RUNX1: variants seen among roughly 807,000 people sequenced by gnomAD.
RUNX1 encodes the protein RUNX family transcription factor 1.
RUNX1 carries 19 observed loss-of-function variants against 42.8 expected under a neutral mutation model. The observed-to-expected ratio is 0.44, with a 90% CI of 0.31 to 0.65. The LOEUF (loss-of-function observed/expected upper bound fraction) is 0.65. Among genes scored for constraint, RUNX1 ranks in the 30% least tolerant of loss-of-function variants. RUNX1 has a pLI of 0.07. For missense variants in RUNX1, 528 were observed against 672.0 expected (o/e 0.79, Z 2.37); for synonymous variants, 271 against 289.4 (o/e 0.94, Z 0.64).
chr21:35,036,171 C>T (rs1239277592), intron 2 of RUNX1, among the ~76,000 whole-genome samples: 1 of 152,066 alleles, frequency 6.6e-6, no homozygotes, highest in African/African-American at 2.4e-5. Context: ...CACAAGGATG[C>T]CCAGAATATA....
At chr21:35,018,419 T>C (rs534292458) in intron 2 of RUNX1, among the ~76,000 whole-genome samples, 4 of 152,162 alleles carry the variant, frequency 2.6e-5, no homozygotes, top group African/African-American at 7.2e-5. Flanking sequence ...GAACCAACCC[T>C]GCCAACACTT....
chr21:34,857,359 CCT>C (rs1281598791), intron 6 of RUNX1, among the ~76,000 whole-genome samples: 4 of 152,194 alleles, frequency 2.6e-5, no homozygotes, highest in Admixed American at 2.6e-4. Flanking sequence ...TCTTTTTTCC[CCT>C]CTGACTGCCA....
intron 2 of RUNX1, among the ~76,000 whole-genome samples, chr21:34,982,621 G>A (rs2058855793): frequency 6.6e-6 from 1 of 152,146 alleles, no homozygotes; most frequent in Admixed American, 6.5e-5. Flanking sequence ...CCAGGCTGGA[G>A]TGTAGTGGCG....
intron 2 of RUNX1, among the ~76,000 whole-genome samples, chr21:34,971,504 GCCATCCATCCATCCATCCAT>G (rs76561322): frequency 1.3e-5 from 2 of 150,414 alleles, no homozygotes; most frequent in African/African-American, 2.5e-5. Flanking sequence ...ATTTTTATCA[GCCATCCATCCATCCATCCAT>G]CCATCCATCC....
At chr21:34,965,679 C>G (rs2058713607) in intron 2 of RUNX1, among the ~76,000 whole-genome samples, 1 of 149,868 alleles carries the variant, frequency 6.7e-6, no homozygotes, top group South Asian at 2.1e-4. Context: ...GGTGGTCATA[C>G]TCACCAGTTA....
intron 2 of RUNX1, among the ~76,000 whole-genome samples, chr21:34,967,254 A>G (rs2058726045): frequency 8.1e-6 from 1 of 123,642 alleles, no homozygotes; most frequent in South Asian, 2.8e-4. Flanking sequence ...TGGGAGGTGG[A>G]GGTTGCAGTG....
At chr21:34,811,521 T>C (rs2056758456) in intron 7 of RUNX1, among the ~76,000 whole-genome samples, 1 of 152,238 alleles carries the variant, frequency 6.6e-6, no homozygotes, top group Admixed American at 6.5e-5. Flanking sequence ...ACCTGGCCGC[T>C]GCACACAGGT....
chr21:34,915,274 G>A (rs1255047699), intron 2 of RUNX1, among the ~76,000 whole-genome samples: 1 of 152,142 alleles, frequency 6.6e-6, no homozygotes, highest in Non-Finnish European at 1.5e-5. Flanking sequence ...AAAACTTACA[G>A]GAGGAAAATT....
intron 5 of RUNX1, among the ~76,000 whole-genome samples, chr21:34,877,660 C>A (rs2057833515): frequency 6.6e-6 from 1 of 152,184 alleles, no homozygotes; most frequent in African/African-American, 2.4e-5. Context: ...GCCATCAAAG[C>A]CGGACAGGCA....
intron 2 of RUNX1, among the ~76,000 whole-genome samples, chr21:34,990,541 T>C (rs2058928918): frequency 6.6e-6 from 1 of 152,136 alleles, no homozygotes; most frequent in East Asian, 1.9e-4. Flanking sequence ...TTTTGAGAGG[T>C]TGAGCTTCAT....
intron 2 of RUNX1, 93 bp downstream of exon 2, chr21:35,048,749 C>T (rs567481157): frequency 1.3e-5 from 14 of 1,040,008 alleles, no homozygotes; most frequent in African/African-American, 7.8e-5. Flanking sequence ...TGGCAGGCAC[C>T]GAGGCATCTC....
At chr21:34,937,327 A>AG (rs1307434169) in intron 2 of RUNX1, among the ~76,000 whole-genome samples, 1 of 151,512 alleles carries the variant, frequency 6.6e-6, no homozygotes, top group Non-Finnish European at 1.5e-5. Flanking sequence ...AGCCAAAAAA[A>AG]AAAAAAAAAA....
intron 3 of RUNX1, chr21:34,887,584 G>A: frequency 9.0e-7 from 1 of 1,113,218 alleles, no homozygotes; most frequent in Non-Finnish European, 1.1e-6. Context: ...AGTCCCAACA[G>A]AACACAATTA....
chr21:34,908,850 T>C (rs2058247561), intron 2 of RUNX1, among the ~76,000 whole-genome samples: 1 of 152,180 alleles, frequency 6.6e-6, no homozygotes, highest in Non-Finnish European at 1.5e-5. Flanking sequence ...TGATTCAGGA[T>C]ATGTAACAGG....
intron 1 of RUNX1, 53 bp downstream of exon 1, chr21:35,049,115 T>TAA (rs79420744): frequency 1.3e-4 from 55 of 427,576 alleles, no homozygotes; most frequent in African/African-American, 1.5e-4. Flanking sequence ...TGTTAAAGAT[T>TAA]AAAAAAAAAA....
At chr21:34,793,495 A>C (rs2056479878) in intron 8 of RUNX1, among the ~76,000 whole-genome samples, 1 of 152,044 alleles carries the variant, frequency 6.6e-6, no homozygotes, top group Non-Finnish European at 1.5e-5. Context: ...AATGCATTTT[A>C]CATTTTTTAA....
At chr21:34,793,965 A>C (rs2056489051) in intron 8 of RUNX1, among the ~76,000 whole-genome samples, 1 of 152,122 alleles carries the variant, frequency 6.6e-6, no homozygotes, top group Non-Finnish European at 1.5e-5. Context: ...CAGCCTCCCA[A>C]AGTGCTGGGA....
Position 34,886,998 on chromosome 21 carries a change from C to T in RUNX1, c.196G>A (p.Ala66Thr), listed in dbSNP as rs2146412428. 6.2e-7 allele frequency: 1 copy of T among 1,604,856 alleles called. No homozygotes were observed. Among genetic ancestry groups the T allele is most frequent in the Non-Finnish European group, 8.5e-7 (1 of 1,177,858 alleles). Residue 66 changes from alanine (A) to threonine (T), a missense_variant, in exon 4 of 9, where the codon GCC becomes ACC. Physicochemically the swap from Ala to Thr is moderately conservative, Grantham distance 58 (BLOSUM62 0). Around this residue, in one of 3 missense-constraint regions of RUNX1, gnomAD observed 114 missense variants for 115.0 expected, o/e 0.99. Transcript: ENST00000675419. ...LPLGAPDAGA[A>T]LAGKLRSGDR... ...CCGCTCCTCAGCTTGCCGGCCAGGG[C>T]AGCGCCGGCGTCCGGGGCGCCCAGC...
chr21:34,993,646 C>CAG (rs2058966948), intron 2 of RUNX1, among the ~76,000 whole-genome samples: 1 of 98,592 alleles, frequency 1.0e-5, no homozygotes, highest in Non-Finnish European at 2.1e-5. Context: ...CACACACAGG[C>CAG]ACACACACAC....
Sources: allele counts gnomAD v4.1 joint callset (sites outside exome capture counted in the v4.1 genomes callset), GRCh38; gene constraint gnomAD v4.1.1; regional missense constraint gnomAD v4.1.1; transcripts MANE v1.5; gene names NCBI Gene and HGNC (gene_info 2026-07-23, HGNC 2026-07-21).